RIMBP2: variants seen among roughly 807,000 people sequenced by gnomAD.
The protein encoded by RIMBP2 is RIMS-binding protein 2.
RIMBP2 carries 48 observed loss-of-function variants against 118.6 expected under a neutral mutation model. The observed-to-expected ratio is 0.40, with a 90% confidence interval of 0.32 to 0.51. The LOEUF (loss-of-function observed/expected upper bound fraction) is 0.51, where lower values mean the gene tolerates loss of function less well. RIMBP2 is among the 20% of genes least tolerant of loss of function. RIMBP2 has a pLI of 0.41. For missense variants in RIMBP2, 1,551 were observed against 1,768.3 expected, an observed-to-expected ratio of 0.88 and a Z score of 2.20; for synonymous variants, 762 against 742.9, an observed-to-expected ratio of 1.03 and a Z score of -0.42.
At chr12:130,432,065 G>C in intron 14 of RIMBP2, 1 of 336,840 alleles carries the variant, frequency 3.0e-6, no homozygotes, top group East Asian at 8.3e-5. Context: ...GCTGAATGCC[G>C]ATCTCAAAAA....
chr12:130,414,166 C>T lies in RIMBP2; in HGVS notation c.3379G>A (p.Ala1127Thr), dbSNP rs764684280. The T allele has an allele frequency of 5.6e-6, 9 of 1,614,082 alleles. No individual in the cohort carries two copies. The highest frequency in any genetic ancestry group is 7.6e-6 in the Non-Finnish European group (9 of 1,180,044). Residue 1127 changes from alanine (A) to threonine (T), a missense_variant, in exon 18 of 23, where the codon GCA (alanine) becomes ACA (threonine). Around this residue, in one of 5 missense-constraint regions of RIMBP2, gnomAD observed 1,038 missense variants for 1,125.1 expected, o/e 0.92. Transcript: ENST00000690449. ...PLTMSPNPDA[A>T]EEELPFKEGQ... ...TCTTTAAAGGGAAGCTCCTCCTCTGCAGCATCTGGGTTTGGGGACATGGTG... is the reference window on the plus strand; with the variant it reads ...TCTTTAAAGGGAAGCTCCTCCTCTGTAGCATCTGGGTTTGGGGACATGGTG...
chr12:130,575,353 G>A (rs533163013), intron 2 of RIMBP2, among the ~76,000 whole-genome samples: 209 of 151,726 alleles, frequency 1.4e-3, no homozygotes, highest in Non-Finnish European at 2.5e-3. Flanking sequence ...CACTTGAGAG[G>A]TTGGGGGCTG....
intron 2 of RIMBP2, among the ~76,000 whole-genome samples, chr12:130,619,349 C>T (rs2061158981): frequency 6.6e-6 from 1 of 152,208 alleles, no homozygotes; most frequent in Non-Finnish European, 1.5e-5. Flanking sequence ...ACCTCTGGAG[C>T]TCAGTCAGAG....
intron 2 of RIMBP2, among the ~76,000 whole-genome samples, chr12:130,568,558 A>G (rs1744178591): frequency 6.6e-6 from 1 of 152,230 alleles, no homozygotes; most frequent in Admixed American, 6.5e-5. Context: ...TGGGAAACCC[A>G]GAAGCAATGG....
intron 5 of RIMBP2, among the ~76,000 whole-genome samples, chr12:130,473,346 AG>A (rs2081168438): frequency 6.6e-6 from 1 of 152,216 alleles, no homozygotes; most frequent in South Asian, 2.1e-4. Flanking sequence ...CCGACGCTGG[AG>A]GAAGAGGCCT....
At chr12:130,536,168 T>C (rs934670960) in intron 2 of RIMBP2, among the ~76,000 whole-genome samples, 1 of 152,052 alleles carries the variant, frequency 6.6e-6, no homozygotes, top group African/African-American at 2.4e-5. Flanking sequence ...GTGGGTGGTA[T>C]GTACAAAAAT....
chr12:130,611,356 T>C (rs2060536895), intron 2 of RIMBP2, among the ~76,000 whole-genome samples: 1 of 152,208 alleles, frequency 6.6e-6, no homozygotes, highest in South Asian at 2.1e-4. Context: ...GTAAAGGATC[T>C]CTTTGAGCTA....
In RIMBP2 at chr12:130,623,699, C is replaced by T. The variant is rs139598603; in HGVS notation, c.-217+4623G>A. Among the ~76,000 whole-genome samples, 1 of 152,310 alleles carries T rather than the reference C, an allele frequency of 6.6e-6. No individual in the cohort carries two copies. Among genetic ancestry groups the T allele is most frequent in the African/African-American group, 2.4e-5 (1 of 41,562 alleles). On this transcript the variant is annotated intron_variant, in intron 2 of 22. Coordinates refer to ENST00000690449, the MANE Select transcript of RIMBP2 (RefSeq NM_001393629.1). The surrounding 1 kb of genome is among the most constrained non-coding windows in gnomAD (Gnocchi z 4.1). Reference sequence around the variant, plus strand: ...ACACCTGCATTTCTGTGCCTGGGGGCTCCATCTAGCTGAGACCCAAGCCTG... The same window carrying T: ...ACACCTGCATTTCTGTGCCTGGGGGTTCCATCTAGCTGAGACCCAAGCCTG...
intron 10 of RIMBP2, among the ~76,000 whole-genome samples, chr12:130,443,975 C>A (rs554412928): frequency 2.0e-5 from 3 of 152,294 alleles, no homozygotes; most frequent in Admixed American, 2.0e-4. Context: ...AGCTGAGGCA[C>A]AGCGAGGTGA....
intron 13 of RIMBP2, 119 bp downstream of exon 13, chr12:130,436,723 G>A (rs1022855789): frequency 6.6e-6 from 5 of 754,290 alleles, no homozygotes; most frequent in African/African-American, 3.7e-5. Context: ...GGCTGAGCGC[G>A]GCCCCCCTCC....
intron 10 of RIMBP2, among the ~76,000 whole-genome samples, chr12:130,443,864 G>A (rs1427086334): frequency 1.3e-5 from 2 of 152,290 alleles, no homozygotes; most frequent in East Asian, 3.9e-4. Flanking sequence ...CAATTACTAT[G>A]TGCTAAGCTC....
rs7314771 is a variant in RIMBP2, at chr12:130,621,332, G to A, written c.-217+6990C>T. On this transcript the variant is annotated intron_variant, in intron 2 of 22. Transcript: ENST00000690449. This position sits in a 1 kb window ranked among gnomAD's most constrained non-coding sequence, Gnocchi z 6.6. ...AACTGTAGATATGATAATACAATGT[G>A]GGAACAGCGCCAGGCCTGTGAACTC... 0.09 allele frequency among the ~76,000 whole-genome samples: 13,672 copies of A among 152,204 alleles called. 757 individuals are homozygous for A. The highest frequency in any genetic ancestry group is 0.12 in the Non-Finnish European group (8,194 of 67,998).
Position 130,561,279 on chromosome 12 carries a change from C to T in RIMBP2, c.-216-43362G>A, listed in dbSNP as rs143991721. ...TGTGGTCTGTGGTCCTTTGTCATGGCAGCACTAGCAAATGAATACACAGAG... is the reference window on the plus strand; with the variant it reads ...TGTGGTCTGTGGTCCTTTGTCATGGTAGCACTAGCAAATGAATACACAGAG... On this transcript the variant is annotated intron_variant, in intron 2 of 22. Coordinates refer to ENST00000690449, the MANE Select transcript of RIMBP2 (RefSeq NM_001393629.1). Among the ~76,000 whole-genome samples the T allele has an allele frequency of 2.7e-3, 404 of 152,340 alleles. 4 individuals carry two copies. The highest frequency in any genetic ancestry group is 7.2e-3 in the African/African-American group (300 of 41,588).
At chr12:130,543,823 A>G (rs1489746060) in intron 2 of RIMBP2, among the ~76,000 whole-genome samples, 3 of 152,072 alleles carry the variant, frequency 2.0e-5, no homozygotes, top group Non-Finnish European at 4.4e-5. Flanking sequence ...CCAGTCAGCT[A>G]AATGTTTTCC....
chr12:130,610,422 A>C (rs2060454203), intron 2 of RIMBP2, among the ~76,000 whole-genome samples: 1 of 152,222 alleles, frequency 6.6e-6, no homozygotes, highest in Non-Finnish European at 1.5e-5. Flanking sequence ...CTTGTATAAT[A>C]CTTAACAGAT....
intron 1 of RIMBP2, among the ~76,000 whole-genome samples, chr12:130,691,159 G>A (rs1432981434): frequency 5.9e-5 from 9 of 152,222 alleles, no homozygotes; most frequent in Admixed American, 6.5e-5. Context: ...AGGGGCTCAA[G>A]CCTCTCCAGT....
chr12:130,671,646 G>C (rs2064201960), intron 1 of RIMBP2, among the ~76,000 whole-genome samples: 5 of 152,106 alleles, frequency 3.3e-5, no homozygotes. Context: ...GGGCTTTCCT[G>C]GGCATGGAAG....
chr12:130,700,102 C>T (rs2065786287), intron 1 of RIMBP2, among the ~76,000 whole-genome samples: 1 of 152,064 alleles, frequency 6.6e-6, no homozygotes, highest in Admixed American at 6.5e-5. Flanking sequence ...TCCCCAGCCA[C>T]CCAACTGAGG....
chr12:130,559,447 A>G (rs2056636331), intron 2 of RIMBP2, among the ~76,000 whole-genome samples: 1 of 152,216 alleles, frequency 6.6e-6, no homozygotes, highest in Non-Finnish European at 1.5e-5. Flanking sequence ...TATTTCACTT[A>G]GCATAGTGTC....
Sources: allele counts gnomAD v4.1 joint callset (sites outside exome capture counted in the v4.1 genomes callset), GRCh38; gene constraint gnomAD v4.1.1; regional missense constraint gnomAD v4.1.1; non-coding constraint Gnocchi (gnomAD v3.1); transcripts MANE v1.5; gene names NCBI Gene and HGNC (gene_info 2026-07-23, HGNC 2026-07-21).